Variants in TXNDC15 observed in about 807,000 individuals in gnomAD.
TXNDC15 encodes the protein thioredoxin domain-containing protein 15.
A neutral mutation model predicts 35.0 loss-of-function variants in TXNDC15; 24 were observed. The observed-to-expected ratio is 0.68, with a 90% CI of 0.50 to 0.96. TXNDC15 has a LOEUF of 0.96. TXNDC15 is among the 40% of genes least tolerant of loss of function. The pLI is 0.00. For synonymous variants in TXNDC15, 169 were observed against 174.0 expected (o/e 0.97, Z 0.23); for missense variants, 385 against 453.3 (o/e 0.85, Z 1.37).
At chr5:134,885,549 TG>T (rs946301151) in intron 1 of TXNDC15, among the ~76,000 whole-genome samples, 2 of 152,144 alleles carry the variant, frequency 1.3e-5, no homozygotes, top group African/African-American at 4.8e-5. Flanking sequence ...GCTGTATACT[TG>T]GGGGGGCCTC....
chr5:134,879,950 C>T (rs1229364571), intron 1 of TXNDC15, among the ~76,000 whole-genome samples: 1 of 152,140 alleles, frequency 6.6e-6, no homozygotes, highest in Non-Finnish European at 1.5e-5. Context: ...TGCATGCCGC[C>T]ACATCTGGCT....
intron 2 of TXNDC15, among the ~76,000 whole-genome samples, chr5:134,890,116 G>A (rs1024840757): frequency 6.6e-6 from 1 of 151,528 alleles, no homozygotes; most frequent in African/African-American, 2.4e-5. Flanking sequence ...CTGCAGCCTT[G>A]ACCTCCCAGG....
In TXNDC15 at chr5:134,897,686, A is replaced by C. The variant is rs1318438976; in HGVS notation, c.886+1262A>C. On this transcript the variant is annotated intron_variant, in intron 4 of 4. Coordinates refer to ENST00000358387, the MANE Select transcript of TXNDC15 (RefSeq NM_024715.4). ...AAGTCATGAGTGTACAGGGTGATGAATTTTCACAAAGTGAACACCCTGGGT... is the reference window on the plus strand; with the variant it reads ...AAGTCATGAGTGTACAGGGTGATGACTTTTCACAAAGTGAACACCCTGGGT... Among the ~76,000 whole-genome samples, 11 of 152,370 alleles carry C rather than the reference A, an allele frequency of 7.2e-5. No individual in the cohort carries two copies. In the East Asian group the frequency reaches 2.1e-3, roughly 29 times the overall value.
Position 134,888,173 on chromosome 5 carries a change from T to C in TXNDC15, c.582T>C (p.Asn194=). Residue 194 remains asparagine (N), a synonymous_variant, in exon 2 of 5, where the codon AAT becomes AAC. Coordinates refer to ENST00000358387, the MANE Select transcript of TXNDC15 (RefSeq NM_024715.4). The part of the protein sequence containing the change: ...GLENFTLKIL[N]MSQDLMDFLN... ...AAAATTTCACTCTGAAAATTTTAAA[T>C]ATGTCACAGGTAAGGAAAAATTATT... 1.2e-6 allele frequency: 2 copies of C among 1,604,214 alleles called. No individual in the cohort carries two copies. The highest frequency in any genetic ancestry group is 1.7e-6 in the Non-Finnish European group (2 of 1,173,108).
chr5:134,889,597 T>C (rs904912308), intron 2 of TXNDC15, among the ~76,000 whole-genome samples: 3 of 152,198 alleles, frequency 2.0e-5, no homozygotes, highest in Admixed American at 2.0e-4. Context: ...CAGACTTAGC[T>C]CTGCTGAGAT....
At chr5:134,882,836 G>GGAGGGA (rs1750186823) in intron 1 of TXNDC15, among the ~76,000 whole-genome samples, 1 of 152,178 alleles carries the variant, frequency 6.6e-6, no homozygotes, top group Non-Finnish European at 1.5e-5. Context: ...CGTGGAAAGA[G>GGAGGGA]GAGGGAGAGG....
intron 4 of TXNDC15, 26 bp from the exon 5 acceptor site, chr5:134,899,463 T>C: frequency 1.2e-6 from 2 of 1,600,646 alleles, no homozygotes; most frequent in Non-Finnish European, 1.7e-6. Context: ...TTCTGCCTGA[T>C]TTGAAACCAG....
intron 3 of TXNDC15, among the ~76,000 whole-genome samples, chr5:134,895,528 TC>T (rs773676954): frequency 1.3e-5 from 2 of 152,210 alleles, no homozygotes; most frequent in Non-Finnish European, 2.9e-5. Flanking sequence ...AGACTAAGGC[TC>T]TTGCTGTTAT....
At chr5:134,874,743 G>C (rs1749997358) in intron 1 of TXNDC15, among the ~76,000 whole-genome samples, 1 of 152,226 alleles carries the variant, frequency 6.6e-6, no homozygotes, top group Non-Finnish European at 1.5e-5. Context: ...ACGGGAGCCC[G>C]GGGGTGGTTG....
At chr5:134,893,405 G>A (rs988086076) in intron 2 of TXNDC15, 87 bp from the exon 3 acceptor site, 2 of 1,528,452 alleles carry the variant, frequency 1.3e-6, no homozygotes, top group African/African-American at 2.7e-5. Context: ...CCTCTCCCTG[G>A]AGCAGCAGTG....
At chr5:134,893,688 T>A in intron 3 of TXNDC15, 33 bp downstream of exon 3, 1 of 1,612,664 alleles carries the variant, frequency 6.2e-7, no homozygotes. Flanking sequence ...ACGTCCATCC[T>A]CCTGGCTGAT....
intron 4 of TXNDC15, among the ~76,000 whole-genome samples, chr5:134,899,059 A>C (rs544377957): frequency 6.6e-6 from 1 of 152,240 alleles, no homozygotes; most frequent in East Asian, 1.9e-4. Flanking sequence ...CCTGGGAGAC[A>C]GAGCAGGACT....
At position 134,874,538 on chromosome 5, in the gene TXNDC15, TGGGCCGG is replaced by T; in HGVS notation, c.103+13_103+19del. On this transcript the variant is annotated intron_variant, in intron 1 of 4. Coordinates refer to ENST00000358387, the MANE Select transcript of TXNDC15 (RefSeq NM_024715.4). ...CCGTCCGCGGCGTGGAGGGTGAGTGTGGGCCGGGGGCGGTGCATGAGATGATGGGGCG... is the reference window on the plus strand; with the variant it reads ...CCGTCCGCGGCGTGGAGGGTGAGTGTGGGCGGTGCATGAGATGATGGGGCG... 4 of 1,594,744 alleles carry T rather than the reference TGGGCCGG, an allele frequency of 2.5e-6. No homozygotes were observed. The highest frequency in any genetic ancestry group is 1.7e-4 in the Middle Eastern group (1 of 6,004).
chr5:134,878,712 T>G (rs1373891558), intron 1 of TXNDC15, among the ~76,000 whole-genome samples: 1 of 152,116 alleles, frequency 6.6e-6, no homozygotes, highest in Non-Finnish European at 1.5e-5. Context: ...AAAAGGCACA[T>G]TACCAGTCGG....
intron 1 of TXNDC15, among the ~76,000 whole-genome samples, chr5:134,876,344 T>C (rs762491752): frequency 6.6e-6 from 1 of 152,204 alleles, no homozygotes; most frequent in African/African-American, 2.4e-5. Context: ...TGAGAAGTTA[T>C]TGAAGGCTGG....
chr5:134,880,712 G>A (rs943307647), intron 1 of TXNDC15, among the ~76,000 whole-genome samples: 1 of 152,012 alleles, frequency 6.6e-6, no homozygotes, highest in Non-Finnish European at 1.5e-5. Context: ...CTAAGTGCTG[G>A]GAGTACAGGC....
At chr5:134,890,264 G>T (rs977395613) in intron 2 of TXNDC15, among the ~76,000 whole-genome samples, 3 of 151,816 alleles carry the variant, frequency 2.0e-5, no homozygotes, top group Non-Finnish European at 4.4e-5. Flanking sequence ...CAAACTCCTG[G>T]GCTCAAGTGA....
chr5:134,884,132 A>T (rs566403254), intron 1 of TXNDC15, among the ~76,000 whole-genome samples: 1 of 145,986 alleles, frequency 6.8e-6, no homozygotes, highest in South Asian at 2.3e-4. Context: ...AGGCAGGAGA[A>T]TTGCTTGAAC....
intron 2 of TXNDC15, 90 bp downstream of exon 2, chr5:134,888,272 T>C: frequency 7.7e-7 from 1 of 1,293,610 alleles, no homozygotes; most frequent in Admixed American, 2.4e-5. Context: ...AAAATCATGA[T>C]CTTGATCATA....
Sources: allele counts gnomAD v4.1 joint callset (sites outside exome capture counted in the v4.1 genomes callset), GRCh38; gene constraint gnomAD v4.1.1; transcripts MANE v1.5; gene names NCBI Gene and HGNC (gene_info 2026-07-23, HGNC 2026-07-21).